HOMER2: variants seen among roughly 807,000 people sequenced by gnomAD.
HOMER2 encodes the protein homer scaffold protein 2, also known as homer protein homolog 2.
Under a neutral mutation model 47.0 loss-of-function variants are expected in HOMER2, and 27 were observed. The ratio of observed to expected loss-of-function variants is 0.57; its 90% CI spans 0.42 to 0.79. The LOEUF (loss-of-function observed/expected upper bound fraction) is 0.79, where lower values mean the gene tolerates loss of function less well. HOMER2 is among the 30% of genes least tolerant of loss of function. The pLI is 0.00. For synonymous variants in HOMER2, 161 were observed against 163.8 expected, an observed-to-expected ratio of 0.98 and a Z score of 0.13; for missense variants, 443 against 435.0, an observed-to-expected ratio of 1.02 and a Z score of -0.16.
exon 2 of HOMER2, chr15:82,841,243 T>C (rs1039661902): frequency 1.3e-5 from 2 of 152,142 alleles, no homozygotes; most frequent in Non-Finnish European, 2.9e-5. Flanking sequence ...ATTAAAAGAA[T>C]AGTATACTAT....
At chr15:82,859,839 T>C (rs1472077001) in intron 4 of HOMER2, among the ~76,000 whole-genome samples, 1 of 151,720 alleles carries the variant, frequency 6.6e-6, no homozygotes, top group Non-Finnish European at 1.5e-5. Flanking sequence ...GAATGGTGTA[T>C]AAATCCAAGT....
In HOMER2 at chr15:82,868,048, T is replaced by A. The variant is rs183893140; in HGVS notation, c.295-3789A>T. On this transcript the variant is annotated intron_variant, in intron 3 of 8. Transcript: ENST00000450735. ...TATTTCCCCCTTATTCTTAAAAAAATATATATATATGCTTGTAAATTTGGA... is the reference window on the plus strand; with the variant it reads ...TATTTCCCCCTTATTCTTAAAAAAAAATATATATATGCTTGTAAATTTGGA... Among the ~76,000 whole-genome samples, 107 of 152,158 alleles carry A rather than the reference T, an allele frequency of 7.0e-4. 1 individual carries two copies. Among genetic ancestry groups the A allele is most frequent in the Middle Eastern group, 3.4e-3 (1 of 294 alleles).
intron 1 of HOMER2, among the ~76,000 whole-genome samples, chr15:82,939,448 C>G (rs2054213466): frequency 1.3e-5 from 2 of 152,182 alleles, no homozygotes; most frequent in Non-Finnish European, 2.9e-5. Flanking sequence ...GGGCGGATCA[C>G]TTGTGGCTAG....
chr15:82,849,988 C>G, intron 8 of HOMER2, 85 bp from the exon 9 acceptor site: 1 of 1,393,572 alleles, frequency 7.2e-7, no homozygotes, highest in South Asian at 1.3e-5. Context: ...ACCAACCATT[C>G]TCCATCCAAT....
In HOMER2 at chr15:82,908,307, C is replaced by A. The variant is rs538431044; in HGVS notation, c.6-15466G>T. Among the ~76,000 whole-genome samples the A allele has an allele frequency of 5.3e-5, 8 of 152,152 alleles. No individual in the cohort carries two copies. In the East Asian group the frequency reaches 5.8e-4, roughly 11 times the overall value. ...TTATGTGAATTATATCTCAATAAAG[C>A]TTTATTAAACTTATAGGAGGCCATT... On this transcript the variant is annotated intron_variant, in intron 1 of 8. Transcript: ENST00000450735.
chr15:82,884,744 T>A (rs2052597522), intron 2 of HOMER2, among the ~76,000 whole-genome samples: 1 of 69,108 alleles, frequency 1.4e-5, no homozygotes, highest in Non-Finnish European at 2.5e-5. Context: ...ATTGATTTTG[T>A]ATCCTGAGAC....
At chr15:82,866,053 T>A (rs572549760) in intron 3 of HOMER2, among the ~76,000 whole-genome samples, 1 of 152,086 alleles carries the variant, frequency 6.6e-6, no homozygotes, top group African/African-American at 2.4e-5. Flanking sequence ...CCCAGAATAG[T>A]AGATCAACTG....
At position 82,922,810 on chromosome 15, in the gene HOMER2, A is replaced by G. The variant is rs1372555605; in HGVS notation, c.5+29721T>C. 2.0e-5 allele frequency among the ~76,000 whole-genome samples: 3 copies of G among 152,152 alleles called. No homozygotes were observed. In the East Asian group the frequency reaches 5.8e-4, roughly 29 times the overall value. On this transcript the variant is annotated intron_variant, in intron 1 of 8. Coordinates refer to ENST00000450735, the MANE Select transcript of HOMER2 (RefSeq NM_004839.4). The stretch of plus-strand genomic sequence containing the variant: ...CTAACTTTGTCATCTCCTCCCTATC[A>G]ATCCCTGCACCCAACCTACAGGCTT...
At position 82,881,177 on chromosome 15, in the gene HOMER2, G is replaced by C. The variant is rs531422987; in HGVS notation, c.163-5773C>G. 5.3e-5 allele frequency among the ~76,000 whole-genome samples: 8 copies of C among 152,344 alleles called. No individual in the cohort carries two copies. The East Asian group carries it at 1.5e-3, about 29-fold the overall frequency. ...TTTCACAGAGAAAGAAGCCACCCTA[G>C]TAAAAGACCCAGTCCTGCAGATCAG... is the stretch of plus-strand genomic sequence containing the variant. On this transcript the variant is annotated intron_variant, in intron 2 of 8. Coordinates refer to ENST00000450735, the MANE Select transcript of HOMER2 (RefSeq NM_004839.4).
intron 1 of HOMER2, among the ~76,000 whole-genome samples, chr15:82,910,304 T>C (rs2053416278): frequency 6.6e-6 from 1 of 152,178 alleles, no homozygotes; most frequent in Admixed American, 6.5e-5. Context: ...GGTAAGAATT[T>C]ACTGACAACC....
chr15:82,963,062 G>A (rs1266048268), intron 1 of HOMER2, among the ~76,000 whole-genome samples: 5 of 152,100 alleles, frequency 3.3e-5, no homozygotes, highest in Admixed American at 2.6e-4. Context: ...GGCAGATCAC[G>A]AGGTCAAGAG....
chr15:82,983,499 T>C (rs188399953), intron 1 of HOMER2, among the ~76,000 whole-genome samples: 106 of 152,356 alleles, frequency 7.0e-4, no homozygotes, highest in African/African-American at 2.5e-3. Flanking sequence ...GAGTTCATTT[T>C]TCCCTTAAAG....
At chr15:82,943,617 T>C (rs2054310507) in intron 1 of HOMER2, among the ~76,000 whole-genome samples, 1 of 152,182 alleles carries the variant, frequency 6.6e-6, no homozygotes, top group Non-Finnish European at 1.5e-5. Flanking sequence ...CAATTAGAGA[T>C]CCCAAAAAGG....
intron 1 of HOMER2, among the ~76,000 whole-genome samples, chr15:82,910,825 A>C (rs954537796): frequency 3.9e-5 from 6 of 152,118 alleles, no homozygotes; most frequent in Admixed American, 2.6e-4. Context: ...ATTTTGTCTC[A>C]GCAACGTAAC....
intron 1 of HOMER2, among the ~76,000 whole-genome samples, chr15:82,930,221 C>T (rs1335919911): frequency 6.6e-6 from 1 of 152,202 alleles, no homozygotes; most frequent in Non-Finnish European, 1.5e-5. Context: ...TGACCTTAAC[C>T]AAGTCACTCC....
chr15:82,845,032 G>A (rs74696469), downstream of HOMER2: 4,640 of 152,258 alleles, frequency 0.03, 131 homozygotes, highest in Admixed American at 0.089. Context: ...GCTCTGCACC[G>A]TCAAAGAGAG....
At chr15:82,867,807 T>TG (rs1465766037) in intron 3 of HOMER2, among the ~76,000 whole-genome samples, 1 of 152,062 alleles carries the variant, frequency 6.6e-6, no homozygotes, top group Non-Finnish European at 1.5e-5. Context: ...ATTGAGAATA[T>TG]GGGGGGAAAA....
intron 4 of HOMER2, 81 bp from the exon 5 acceptor site, chr15:82,859,216 G>T (rs767781051): frequency 6.3e-7 from 1 of 1,598,752 alleles, no homozygotes; most frequent in Admixed American, 1.7e-5. Flanking sequence ...TCTGCACATC[G>T]GCAGCAAGTT....
chr15:82,865,949 G>A (rs1479941885), intron 3 of HOMER2, among the ~76,000 whole-genome samples: 1 of 152,246 alleles, frequency 6.6e-6, no homozygotes, highest in African/African-American at 2.4e-5. Context: ...CTAGGGCAGT[G>A]CAGAAGGGAA....
Sources: allele counts gnomAD v4.1 joint callset (sites outside exome capture counted in the v4.1 genomes callset), GRCh38; gene constraint gnomAD v4.1.1; transcripts MANE v1.5; gene names NCBI Gene and HGNC (gene_info 2026-07-23, HGNC 2026-07-21).